The following XRN1 variants were observed in gnomAD, a reference collection of about 807,000 sequenced individuals.
XRN1 encodes the protein 5'-3' exoribonuclease 1, also known as strand-exchange protein 1 homolog.
In XRN1, 67 loss-of-function variants were observed where a neutral mutation model predicts 222.3. That is an observed-to-expected ratio of 0.30 (90% CI 0.25 to 0.37). XRN1 has a LOEUF of 0.37. Ranked by LOEUF, XRN1 falls within the 10% of genes least tolerant of loss-of-function variation. XRN1 has a pLI of 1.00. For missense variants in XRN1, 1,707 were observed against 2,000.2 expected (o/e 0.85, Z 2.80); for synonymous variants, 643 against 652.4 (o/e 0.99, Z 0.22).
At chr3:142,370,345 T>A in intron 27 of XRN1, 140 bp downstream of exon 27, 1 of 1,128,088 alleles carries the variant, frequency 8.9e-7, no homozygotes, top group Non-Finnish European at 1.2e-6. Flanking sequence ...AGAACTTTTT[T>A]AAATTACAGG....
rs1306468966 is a variant in XRN1, at chr3:142,417,164, T to C, written c.1412A>G (p.Tyr471Cys). ...CCAGCTCCAGGACTGAACTCCATGA[T>C]AGTAATAGTGCAAAATCCACTGTAT... ...QAIQWILHYY[Y>C]HGVQSWSWYY... The change falls in exon 13 of 41, where the codon TAT (tyrosine) becomes TGT (cysteine). Residue 471 changes from tyrosine (Y) to cysteine (C), a missense_variant. Physicochemically the swap from Tyr to Cys is radical, Grantham distance 194. Around this residue, in one of 2 missense-constraint regions of XRN1, gnomAD observed 1,234 missense variants for 1,518.2 expected, o/e 0.81. Coordinates refer to ENST00000392981, the MANE Select transcript of XRN1 (RefSeq NM_001282857.2). 2.5e-6 allele frequency: 4 copies of C among 1,613,664 alleles called. No individual in the cohort carries two copies. Among genetic ancestry groups the C allele is most frequent in the Admixed American group, 1.7e-5 (1 of 59,998 alleles).
Position 142,370,561 on chromosome 3 carries a change from G to C in XRN1, c.3128C>G (p.Ser1043Cys). 1 of 1,607,420 alleles carries C rather than the reference G, an allele frequency of 6.2e-7. No individual in the cohort carries two copies. The highest frequency in any genetic ancestry group is 8.5e-7 in the Non-Finnish European group (1 of 1,177,682). The change falls in exon 27 of 41, where the codon TCT becomes TGT. Residue 1043 changes from serine (S) to cysteine (C), a missense_variant. By Grantham distance (112) the Ser-to-Cys change is moderately radical (BLOSUM62 -1). Around this residue, in one of 2 missense-constraint regions of XRN1, gnomAD observed 1,234 missense variants for 1,518.2 expected, o/e 0.81. Coordinates refer to ENST00000392981, the MANE Select transcript of XRN1 (RefSeq NM_001282857.2). ...WLKGHPVSTL[S>C]RSSCDLQILD... ...AATTTGTAAATCACAAGAAGAACGA[G>C]ATAAAGTACTGACAGGATGTCCTTT...
At position 142,421,444 on chromosome 3, in the gene XRN1, C is replaced by T. The variant is rs182979835; in HGVS notation, c.1035+32G>A. 48 of 1,562,324 alleles carry T rather than the reference C, an allele frequency of 3.1e-5. 1 individual carries two copies. Among genetic ancestry groups the T allele is most frequent in the Admixed American group, 9.1e-5 (5 of 54,708 alleles). On this transcript the variant is annotated intron_variant, in intron 9 of 40. Coordinates refer to ENST00000392981, the MANE Select transcript of XRN1 (RefSeq NM_001282857.2). ...TGACTGATCATTTACAGCTACTCTG[C>T]GACAGGAAACCAAAAATTTCTAGTT...
At chr3:142,426,638 A>G (rs114962950) in intron 3 of XRN1, 106 bp downstream of exon 3, 18,841 of 1,077,300 alleles carry the variant, frequency 0.017, 243 homozygotes, top group South Asian at 0.043. Flanking sequence ...AGTAAATGGA[A>G]CCCTAAGGCC....
chr3:142,344,926 G>A lies in XRN1; in HGVS notation c.3877+2308C>T, dbSNP rs143496676. 1.2e-3 allele frequency among the ~76,000 whole-genome samples: 177 copies of A among 152,228 alleles called. 1 individual carries two copies. The highest frequency in any genetic ancestry group is 4.0e-3 in the African/African-American group (166 of 41,544). On this transcript the variant is annotated intron_variant, in intron 33 of 40. Transcript: ENST00000392981. ...ATAAAATTCATATGGAAATGCAAGA[G>A]GCCCAGAATAGAGAAAACAATCCTG...
Position 142,347,218 on chromosome 3 carries a change from C to G in XRN1, c.3877+16G>C. ...AAGCAGCACACACAAGTACACCTTT[C>G]TAATTTAAAACTTACATTTTCTGTG... On this transcript the variant is annotated intron_variant, in intron 33 of 40. Coordinates refer to ENST00000392981, the MANE Select transcript of XRN1 (RefSeq NM_001282857.2). 6.5e-7 allele frequency: 1 copy of G among 1,542,600 alleles called. No homozygotes were observed. Among genetic ancestry groups the G allele is most frequent in the Non-Finnish European group, 8.9e-7 (1 of 1,121,506 alleles).
At chr3:142,410,336 C>A (rs1272382910) in intron 15 of XRN1, among the ~76,000 whole-genome samples, 1 of 151,822 alleles carries the variant, frequency 6.6e-6, no homozygotes, top group Non-Finnish European at 1.5e-5. Flanking sequence ...AAAAAATATT[C>A]TTGGTCAGAT....
chr3:142,397,808 T>C (rs1221320581), intron 19 of XRN1, among the ~76,000 whole-genome samples: 1 of 152,102 alleles, frequency 6.6e-6, no homozygotes, highest in Non-Finnish European at 1.5e-5. Flanking sequence ...TATTTGAAAA[T>C]AGCCAGAAGA....
intron 15 of XRN1, among the ~76,000 whole-genome samples, chr3:142,409,465 A>G (rs2068475044): frequency 6.6e-6 from 1 of 152,216 alleles, no homozygotes; most frequent in Admixed American, 6.5e-5. Context: ...CCTTAATTGA[A>G]GATGAATTAA....
chr3:142,319,826 C>T (rs571860174), intron 37 of XRN1, among the ~76,000 whole-genome samples: 15 of 152,116 alleles, frequency 9.9e-5, no homozygotes, highest in African/African-American at 3.6e-4. Context: ...AATGTTGCTA[C>T]AAGATACGTG....
At position 142,422,741 on chromosome 3, in the gene XRN1, TG is replaced by T; in HGVS notation, c.807del (p.Thr270HisfsTer9). 1.2e-6 allele frequency: 2 copies of T among 1,609,402 alleles called. No individual in the cohort carries two copies. Among genetic ancestry groups the T allele is most frequent in the Non-Finnish European group, 1.7e-6 (2 of 1,178,138 alleles). On this transcript the variant is annotated frameshift_variant, in exon 8 of 41. Coordinates refer to ENST00000392981, the MANE Select transcript of XRN1 (RefSeq NM_001282857.2). LOFTEE classifies it high-confidence loss of function. ...DYEFSVLKEK[I>X]TFKYDIERII... ...ATCCTTTCAATATCATATTTAAATG[TG>T]ATCTTTTCCTACAGTAAAATAGAGA... is the stretch of plus-strand genomic sequence containing the variant.
In XRN1 at chr3:142,421,489, A is replaced by G. The variant is rs754601371; in HGVS notation, c.1022T>C (p.Val341Ala). ...CTAGTTACTTACATCTGATAGTTTC[A>G]CAAGGTATTTCTCAAATCGAGGTAA... Reference protein sequence around the residue: ...LNLPRFEKYLVKLSDFDREHF... With the variant: ...LNLPRFEKYLAKLSDFDREHF... Residue 341 changes from valine to alanine, a missense_variant, in exon 9 of 41, where the codon GTG becomes GCG. Physicochemically the swap from Val to Ala is moderately conservative, Grantham distance 64 (BLOSUM62 0). Coordinates refer to ENST00000392981, the MANE Select transcript of XRN1 (RefSeq NM_001282857.2). The G allele has an allele frequency of 6.2e-7, 1 of 1,608,810 alleles. No individual in the cohort carries two copies. Among genetic ancestry groups the G allele is most frequent in the South Asian group, 1.1e-5 (1 of 90,044 alleles).
At chr3:142,335,363 G>T in intron 34 of XRN1, 85 bp downstream of exon 34, 1 of 1,318,352 alleles carries the variant, frequency 7.6e-7, no homozygotes, top group Non-Finnish European at 1.1e-6. Context: ...TGGTTGAAAA[G>T]GTTGAGAAAT....
intron 12 of XRN1, chr3:142,417,852 T>G (rs1276974731): frequency 2.0e-5 from 3 of 152,154 alleles, no homozygotes; most frequent in African/African-American, 7.2e-5. Flanking sequence ...TTCTGGGAGG[T>G]AGTTTTTTAA....
chr3:142,354,649 C>A (rs2066410951), intron 32 of XRN1, among the ~76,000 whole-genome samples: 1 of 152,108 alleles, frequency 6.6e-6, no homozygotes, highest in South Asian at 2.1e-4. Flanking sequence ...CCTCTGGCCT[C>A]CCAAGTTCAA....
At position 142,447,376 on chromosome 3, in the gene XRN1, G is replaced by A. The variant is rs1402656703; in HGVS notation, c.75+494C>T. Reference sequence around the variant, plus strand: ...CCATCAGCCACGTCGGAAAGTCTAGGCTCCGGGGGCCGGGTGGGCCGCGCT... The same window carrying A: ...CCATCAGCCACGTCGGAAAGTCTAGACTCCGGGGGCCGGGTGGGCCGCGCT... On this transcript the variant is annotated intron_variant, in intron 1 of 40. Transcript: ENST00000392981. The surrounding 1 kb of genome is among the most constrained non-coding windows in gnomAD (Gnocchi z 4.2). Among the ~76,000 whole-genome samples the A allele has an allele frequency of 6.6e-6, 1 of 152,150 alleles. No homozygotes were observed. The highest frequency in any genetic ancestry group is 2.4e-5 in the African/African-American group (1 of 41,448).
At chr3:142,443,321 G>A (rs775072772) in intron 1 of XRN1, among the ~76,000 whole-genome samples, 7 of 152,202 alleles carry the variant, frequency 4.6e-5, no homozygotes, top group Non-Finnish European at 1.0e-4. Context: ...CCTGCTGAGA[G>A]TGGGGACTGA....
rs539795983 is a variant in XRN1, at chr3:142,308,594, T to C, written c.*2917A>G. The C allele has an allele frequency of 3.9e-5, 6 of 152,288 alleles. No individual in the cohort carries two copies. In the South Asian group the frequency reaches 1.2e-3, roughly 32 times the overall value. The allele number at this position is 152,288 out of a possible 1,614,324, so 9.4% of individuals were successfully genotyped here. On this transcript the variant is annotated 3_prime_UTR_variant, in exon 41 of 41. Transcript: ENST00000392981. ...TCTACATGATGTTTAAATCAATTAATACATTCAAATTCTAACGCTGAGGTA... is the reference window on the plus strand; with the variant it reads ...TCTACATGATGTTTAAATCAATTAACACATTCAAATTCTAACGCTGAGGTA...
chr3:142,362,749 C>T (rs78358200), intron 29 of XRN1, among the ~76,000 whole-genome samples: 10,164 of 147,880 alleles, frequency 0.069, 1,206 homozygotes, highest in African/African-American at 0.24. Context: ...TCCCTCCCTC[C>T]CTTCCTTTCT....
Sources: gnomAD v4.1 joint callset for allele counts (sites outside exome capture counted in the v4.1 genomes callset) on GRCh38, gnomAD v4.1.1 for gene constraint, gnomAD v4.1.1 regional missense constraint, Gnocchi (gnomAD v3.1) non-coding constraint, MANE v1.5 for transcripts, NCBI Gene and HGNC (gene_info 2026-07-23, HGNC 2026-07-21) for gene names.